CCDC7: variants seen among roughly 807,000 people sequenced by gnomAD.
CCDC7 encodes the protein coiled-coil domain-containing protein 7.
In CCDC7, 183 loss-of-function variants were observed where a neutral mutation model predicts 196.9. The ratio of observed to expected loss-of-function variants is 0.93; its 90% CI spans 0.82 to 1.05. The LOEUF (loss-of-function observed/expected upper bound fraction) is 1.05. CCDC7 is among the 50% of genes least tolerant of loss of function. The probability of loss-of-function intolerance (pLI) is 0.00; values close to 1 mark genes in which losing one functional copy is unlikely to be tolerated. For synonymous variants in CCDC7, 525 were observed against 484.6 expected (o/e 1.08, Z -1.10); for missense variants, 1,540 against 1,482.2 (o/e 1.04, Z -0.64).
intron 20 of CCDC7, among the ~76,000 whole-genome samples, chr10:32,637,551 A>C (rs1191006143): frequency 1.3e-5 from 2 of 151,992 alleles, no homozygotes; most frequent in Non-Finnish European, 2.9e-5. Flanking sequence ...GATATGCGGC[A>C]TTATTTCTGA....
In CCDC7 at chr10:32,502,714, G is replaced by T. The variant is rs115329016; in HGVS notation, c.872+10717G>T. ...GAAAAATGTCATTGAAATTTTCCTA[G>T]GGATTACATTGAATCTCTAAGTTAT... On this transcript the variant is annotated intron_variant, in intron 9 of 41. Transcript: ENST00000639629. Among the ~76,000 whole-genome samples, 1,310 of 152,112 alleles carry T rather than the reference G, an allele frequency of 8.6e-3. 28 individuals are homozygous for T. The highest frequency in any genetic ancestry group is 0.029 in the African/African-American group (1,209 of 41,478).
chr10:32,652,871 A>G (rs1037752963), intron 20 of CCDC7, among the ~76,000 whole-genome samples: 27 of 152,202 alleles, frequency 1.8e-4, no homozygotes, highest in African/African-American at 6.5e-4. Flanking sequence ...CTGAATTTGT[A>G]TTGTTTCTAT....
chr10:32,822,954 A>C (rs2090501411), intron 31 of CCDC7, among the ~76,000 whole-genome samples: 1 of 151,982 alleles, frequency 6.6e-6, no homozygotes, highest in Non-Finnish European at 1.5e-5. Context: ...CTACTCATTG[A>C]CTCCCTGCTT....
At chr10:32,515,041 G>A (rs912471620) in intron 9 of CCDC7, among the ~76,000 whole-genome samples, 16 of 152,160 alleles carry the variant, frequency 1.1e-4, no homozygotes, top group African/African-American at 3.4e-4. Flanking sequence ...GCCTAGGCTC[G>A]TCTTGAACTC....
At chr10:32,490,485 C>G (rs1312065797) in intron 8 of CCDC7, among the ~76,000 whole-genome samples, 4 of 152,164 alleles carry the variant, frequency 2.6e-5, no homozygotes, top group Non-Finnish European at 5.9e-5. Context: ...ATGCTATGAT[C>G]AGATTACTCT....
intron 28 of CCDC7, among the ~76,000 whole-genome samples, chr10:32,772,629 T>C (rs1349324996): frequency 6.6e-6 from 1 of 152,222 alleles, no homozygotes; most frequent in African/African-American, 2.4e-5. Flanking sequence ...TTTTTGACTG[T>C]CGTCTGCAGG....
At chr10:32,558,052 A>G (rs1360592321) in intron 13 of CCDC7, among the ~76,000 whole-genome samples, 1 of 152,132 alleles carries the variant, frequency 6.6e-6, no homozygotes, top group Admixed American at 6.5e-5. Flanking sequence ...ATTTTCCTTT[A>G]TGCTGGACAT....
At chr10:32,519,417 G>A (rs963590999) in intron 11 of CCDC7, among the ~76,000 whole-genome samples, 2 of 152,062 alleles carry the variant, frequency 1.3e-5, no homozygotes, top group Non-Finnish European at 2.9e-5. Context: ...GCTTCCTTGT[G>A]TTTCTTCAGG....
chr10:32,613,057 G>A (rs753777929), intron 18 of CCDC7, among the ~76,000 whole-genome samples: 1 of 151,764 alleles, frequency 6.6e-6, no homozygotes, highest in Non-Finnish European at 1.5e-5. Flanking sequence ...GGTCCTGAAC[G>A]TTTTTGGTTG....
chr10:32,674,844 T>G (rs908202937), intron 21 of CCDC7, among the ~76,000 whole-genome samples: 24 of 152,094 alleles, frequency 1.6e-4, no homozygotes, highest in Non-Finnish European at 4.4e-5. Flanking sequence ...TATTTTTGTG[T>G]GGTGACCTTT....
At chr10:32,656,329 G>A (rs925902935) in intron 20 of CCDC7, among the ~76,000 whole-genome samples, 1 of 152,194 alleles carries the variant, frequency 6.6e-6, no homozygotes, top group Admixed American at 6.5e-5. Flanking sequence ...ACAAGATGTG[G>A]AATCAACTTA....
chr10:32,792,972 A>T (rs2082959586), intron 29 of CCDC7, among the ~76,000 whole-genome samples: 1 of 152,226 alleles, frequency 6.6e-6, no homozygotes, highest in Non-Finnish European at 1.5e-5. Flanking sequence ...TAACAAAATG[A>T]TAATAGTAAG....
intron 18 of CCDC7, among the ~76,000 whole-genome samples, chr10:32,587,704 A>G (rs907322293): frequency 5.3e-5 from 8 of 152,210 alleles, no homozygotes; most frequent in African/African-American, 1.7e-4. Flanking sequence ...ATCTGTGAAT[A>G]AAGATAGTTT....
At chr10:32,764,687 G>A (rs890518564) in intron 28 of CCDC7, among the ~76,000 whole-genome samples, 1 of 151,966 alleles carries the variant, frequency 6.6e-6, no homozygotes, top group Non-Finnish European at 1.5e-5. Context: ...GGGTCCAGAG[G>A]ACACACCTTT....
intron 5 of CCDC7, among the ~76,000 whole-genome samples, chr10:32,464,244 G>A (rs539663271): frequency 3.9e-5 from 6 of 152,114 alleles, no homozygotes; most frequent in Admixed American, 3.3e-4. Flanking sequence ...ACTTATTCTT[G>A]AACTGTAAAT....
intron 28 of CCDC7, among the ~76,000 whole-genome samples, chr10:32,749,636 G>C (rs2075361025): frequency 1.3e-5 from 2 of 152,092 alleles, no homozygotes; most frequent in South Asian, 4.1e-4. Flanking sequence ...TTTTTGTCCA[G>C]TTAAACAATA....
chr10:32,731,892 A>G (rs1205513797), intron 28 of CCDC7, among the ~76,000 whole-genome samples: 5 of 152,186 alleles, frequency 3.3e-5, no homozygotes, highest in Non-Finnish European at 5.9e-5. Context: ...TATCTACTAA[A>G]AATACAAAAA....
At chr10:32,867,986 A>G (rs1204492365) in intron 41 of CCDC7, among the ~76,000 whole-genome samples, 3 of 151,854 alleles carry the variant, frequency 2.0e-5, no homozygotes, top group Non-Finnish European at 2.9e-5. Context: ...TTTAGCTACT[A>G]TAAGTACCTT....
At chr10:32,766,290 A>G (rs1379554808) in intron 28 of CCDC7, among the ~76,000 whole-genome samples, 1 of 151,918 alleles carries the variant, frequency 6.6e-6, no homozygotes, top group African/African-American at 2.4e-5. Context: ...ACTTCTCTGT[A>G]TATTAAGGCA....
Sources: gnomAD v4.1 joint callset for allele counts (sites outside exome capture counted in the v4.1 genomes callset) on GRCh38, gnomAD v4.1.1 for gene constraint, MANE v1.5 for transcripts, NCBI Gene and HGNC (gene_info 2026-07-23, HGNC 2026-07-21) for gene names.